The following DLGAP1 variants were observed in gnomAD, a reference collection of about 807,000 sequenced individuals.
DLGAP1 encodes the protein disks large-associated protein 1.
In DLGAP1, 11 loss-of-function variants were observed where a neutral mutation model predicts 90.8. The observed-to-expected ratio is 0.12, with a 90% CI of 0.08 to 0.20. The LOEUF (loss-of-function observed/expected upper bound fraction) is 0.20. DLGAP1 is among the 10% of genes least tolerant of loss of function. DLGAP1 has a pLI of 1.00. For missense variants in DLGAP1, 1,050 were observed against 1,333.8 expected (o/e 0.79, Z 3.31); for synonymous variants, 558 against 540.7 (o/e 1.03, Z -0.44).
At chr18:3,759,143 T>C (rs182662989) in intron 5 of DLGAP1, among the ~76,000 whole-genome samples, 19 of 152,222 alleles carry the variant, frequency 1.2e-4, no homozygotes, top group East Asian at 9.7e-4. Context: ...CTGTAGACTT[T>C]GGTATCTCCT....
chr18:3,942,360 A>C (rs1287153230), intron 3 of DLGAP1, among the ~76,000 whole-genome samples: 1 of 152,212 alleles, frequency 6.6e-6, no homozygotes, highest in Non-Finnish European at 1.5e-5. Flanking sequence ...CTGGTGTCGG[A>C]AGGCAGGCGT....
intron 10 of DLGAP1, among the ~76,000 whole-genome samples, chr18:3,518,894 T>G (rs2051002930): frequency 6.6e-6 from 1 of 152,236 alleles, no homozygotes; most frequent in Non-Finnish European, 1.5e-5. Flanking sequence ...CCCTCCCCAG[T>G]AGTGTGGACT....
intron 5 of DLGAP1, among the ~76,000 whole-genome samples, chr18:3,805,523 G>A (rs761211597): frequency 6.6e-6 from 1 of 152,188 alleles, no homozygotes; most frequent in Non-Finnish European, 1.5e-5. Flanking sequence ...GAGTTGCAAA[G>A]TTTCAAGACT....
intron 3 of DLGAP1, chr18:3,896,527 C>T (rs575973329): frequency 2.6e-5 from 4 of 152,346 alleles, no homozygotes; most frequent in African/African-American, 9.6e-5. Flanking sequence ...GCAAGCTGCC[C>T]TCTGGGAATG....
At chr18:4,120,807 CTCTT>C (rs1318758666) in intron 2 of DLGAP1, among the ~76,000 whole-genome samples, 1 of 150,048 alleles carries the variant, frequency 6.7e-6, no homozygotes, top group East Asian at 2.0e-4. Flanking sequence ...TCCTTCTCTC[CTCTT>C]TCTTTTTCTT....
At chr18:3,624,971 A>AC in intron 7 of DLGAP1, among the ~76,000 whole-genome samples, 1 of 152,256 alleles carries the variant, frequency 6.6e-6, no homozygotes, top group East Asian at 1.9e-4. Context: ...AAGTCTACCT[A>AC]CCACACACAC....
At chr18:3,620,645 C>T (rs1304844314) in intron 7 of DLGAP1, among the ~76,000 whole-genome samples, 3 of 152,092 alleles carry the variant, frequency 2.0e-5, no homozygotes, top group East Asian at 1.9e-4. Flanking sequence ...GCAACCTCTG[C>T]CTCCTGGGTT....
At chr18:4,003,105 G>A (rs896322612) in intron 3 of DLGAP1, among the ~76,000 whole-genome samples, 2 of 152,162 alleles carry the variant, frequency 1.3e-5, no homozygotes, top group Non-Finnish European at 2.9e-5. Flanking sequence ...GGGTGGTAGA[G>A]GATAAGTCTT....
intron 7 of DLGAP1, among the ~76,000 whole-genome samples, chr18:3,600,130 C>T (rs1246334604): frequency 2.0e-5 from 3 of 152,116 alleles, no homozygotes; most frequent in African/African-American, 4.8e-5. Context: ...ACTATGTTGC[C>T]CAGGGTCAAG....
chr18:4,035,230 T>C (rs1481487599), intron 2 of DLGAP1, among the ~76,000 whole-genome samples: 2 of 152,246 alleles, frequency 1.3e-5, no homozygotes, highest in East Asian at 3.9e-4. Context: ...ATTTCTAAGC[T>C]ACTAAGGAGG....
chr18:4,028,416 A>G (rs2149125546), intron 2 of DLGAP1, among the ~76,000 whole-genome samples: 1 of 152,304 alleles, frequency 6.6e-6, no homozygotes, highest in African/African-American at 2.4e-5. Flanking sequence ...GGTGGCAGCA[A>G]ATACGTTATT....
chr18:3,625,501 A>T (rs2058259695), intron 7 of DLGAP1, among the ~76,000 whole-genome samples: 1 of 152,234 alleles, frequency 6.6e-6, no homozygotes, highest in South Asian at 2.1e-4. Flanking sequence ...CTAGGAGATT[A>T]GATGTTGGAC....
chr18:3,628,254 A>T (rs1194042184), intron 7 of DLGAP1, among the ~76,000 whole-genome samples: 2 of 142,006 alleles, frequency 1.4e-5, no homozygotes, highest in Non-Finnish European at 3.0e-5. Context: ...CAGTGGTGTG[A>T]TCTTGGCTCG....
intron 7 of DLGAP1, among the ~76,000 whole-genome samples, chr18:3,717,039 CTTT>C (rs56981271): frequency 7.9e-5 from 9 of 113,842 alleles, no homozygotes; most frequent in African/African-American, 2.9e-4. Flanking sequence ...GTGAGTTTGC[CTTT>C]TTTTTTTTTT....
chr18:4,346,373 A>G (rs541141836), intron 1 of DLGAP1, among the ~76,000 whole-genome samples: 1 of 152,308 alleles, frequency 6.6e-6, no homozygotes, highest in African/African-American at 2.4e-5. Flanking sequence ...TGAAAAAAAG[A>G]AATAAGGTAT....
intron 4 of DLGAP1, among the ~76,000 whole-genome samples, chr18:3,828,849 C>T (rs2067879770): frequency 6.6e-6 from 1 of 152,122 alleles, no homozygotes; most frequent in Non-Finnish European, 1.5e-5. Flanking sequence ...TTAGTACTAA[C>T]AATGTCTTAG....
intron 1 of DLGAP1, among the ~76,000 whole-genome samples, chr18:4,357,396 C>T (rs960419238): frequency 2.6e-5 from 4 of 151,922 alleles, no homozygotes; most frequent in African/African-American, 4.8e-5. Context: ...TCAAATGATC[C>T]ACCCGCCTCG....
At chr18:3,724,460 T>A (rs1254663886) in intron 7 of DLGAP1, among the ~76,000 whole-genome samples, 1 of 152,184 alleles carries the variant, frequency 6.6e-6, no homozygotes, top group Non-Finnish European at 1.5e-5. Flanking sequence ...GACCAGAGAA[T>A]CTGTTGGGTG....
At chr18:4,432,592 G>GTGTGTGTGTT (rs139631255) in intron 1 of DLGAP1, among the ~76,000 whole-genome samples, 1 of 108,160 alleles carries the variant, frequency 9.2e-6, no homozygotes, top group African/African-American at 3.8e-5. Flanking sequence ...CTCACATAGT[G>GTGTGTGTGTT]TGTGTGTGTG....
Sources: gnomAD v4.1 joint callset for allele counts (sites outside exome capture counted in the v4.1 genomes callset) on GRCh38, gnomAD v4.1.1 for gene constraint, MANE v1.5 for transcripts, NCBI Gene and HGNC (gene_info 2026-07-23, HGNC 2026-07-21) for gene names.